TP63: variants seen among roughly 807,000 people sequenced by gnomAD.
The protein encoded by TP63 is tumor protein 63.
In TP63, 17 loss-of-function variants were observed where a neutral mutation model predicts 82.8. That is an observed-to-expected ratio of 0.21 (90% confidence interval 0.14 to 0.31). The LOEUF (loss-of-function observed/expected upper bound fraction) is 0.31, where lower values mean the gene tolerates loss of function less well. Ranked by LOEUF, TP63 falls within the 10% of genes least tolerant of loss-of-function variation. The probability of loss-of-function intolerance (pLI) is 1.00; values close to 1 mark genes in which losing one functional copy is unlikely to be tolerated. For synonymous variants in TP63, 330 were observed against 321.7 expected (o/e 1.03, Z -0.28); for missense variants, 648 against 895.3 (o/e 0.72, Z 3.52).
Position 189,878,208 on chromosome 3 carries a change from G to T in TP63, c.1349+5213G>T, listed in dbSNP as rs191088843. Among the ~76,000 whole-genome samples, 664 of 152,160 alleles carry T rather than the reference G, an allele frequency of 4.4e-3. 2 individuals carry two copies. The highest frequency in any genetic ancestry group is 6.0e-3 in the Non-Finnish European group (407 of 67,998). On this transcript the variant is annotated intron_variant, in intron 10 of 13. Transcript: ENST00000264731. Reference sequence around the variant, plus strand: ...AATGTAGAAAAGAGAAAGGTACACGGTCTCCAAACTGATAGAAAATGTCAA... The same window carrying T: ...AATGTAGAAAAGAGAAAGGTACACGTTCTCCAAACTGATAGAAAATGTCAA...
Position 189,895,770 on chromosome 3 carries a change from T to G in TP63, c.*1268T>G. The G allele has an allele frequency of 4.4e-6, 1 of 227,562 alleles. No homozygotes were observed. Among genetic ancestry groups the G allele is most frequent in the East Asian group, 6.4e-5 (1 of 15,704 alleles). The allele number at this position is 227,562 out of a possible 1,614,324, so 14.1% of individuals were successfully genotyped here. A position where few individuals can be genotyped will look rare whatever the true frequency, so the allele number is the denominator to read the frequency against. ...CTCTGCATGTAGAGGCTTGTTTACC[T>G]TTCTCTCTCTAAGGTTTACAATAGG... On this transcript the variant is annotated 3_prime_UTR_variant, in exon 14 of 14. Transcript: ENST00000264731.
chr3:189,598,989 G>A, the TP63 span, among the ~76,000 whole-genome samples: 1 of 152,144 alleles, frequency 6.6e-6, no homozygotes, highest in African/African-American at 2.4e-5. Flanking sequence ...CCCTAACCTT[G>A]CCCACAGCAA....
At chr3:189,675,082 T>C (rs919314481) in intron 1 of TP63, among the ~76,000 whole-genome samples, 10 of 152,136 alleles carry the variant, frequency 6.6e-5, no homozygotes, top group African/African-American at 2.2e-4. Flanking sequence ...GCACGTTTGG[T>C]GTCCAGTGGG....
At chr3:189,810,229 ATAGT>A (rs1727385621) in intron 4 of TP63, among the ~76,000 whole-genome samples, 1 of 152,324 alleles carries the variant, frequency 6.6e-6, no homozygotes, top group Admixed American at 6.5e-5. Flanking sequence ...TAGGCTTCAA[ATAGT>A]TGGTTGATTG....
intron 1 of TP63, among the ~76,000 whole-genome samples, chr3:189,716,040 G>A (rs184978935): frequency 5.9e-5 from 9 of 152,252 alleles, no homozygotes; most frequent in African/African-American, 1.2e-4. Context: ...CTCATACAGC[G>A]ATATAGCACA....
intron 1 of TP63, among the ~76,000 whole-genome samples, chr3:189,685,290 G>A (rs1716342703): frequency 6.6e-6 from 1 of 152,174 alleles, no homozygotes; most frequent in Non-Finnish European, 1.5e-5. Context: ...ATGGACTGGA[G>A]AGGTTTTTGT....
intron 1 of TP63, among the ~76,000 whole-genome samples, chr3:189,634,631 T>C (rs1276275780): frequency 6.6e-6 from 1 of 152,086 alleles, no homozygotes; most frequent in Non-Finnish European, 1.5e-5. Context: ...CTTTTGATAA[T>C]ATTAACAATA....
chr3:189,668,098 G>A (rs538749350), intron 1 of TP63, among the ~76,000 whole-genome samples: 62 of 151,928 alleles, frequency 4.1e-4, no homozygotes, highest in Non-Finnish European at 6.9e-4. Flanking sequence ...GCAAGTTACA[G>A]GGGCTTGAGA....
chr3:189,878,593 CT>C (rs11333832), intron 10 of TP63, among the ~76,000 whole-genome samples: 94,027 of 130,218 alleles, frequency 0.72, 33,698 homozygotes, highest in Middle Eastern at 0.88. Context: ...TTTTTTTTTT[CT>C]TTTTTTTTTT....
At chr3:189,647,611 A>G (rs1712528881) in intron 1 of TP63, among the ~76,000 whole-genome samples, 1 of 146,604 alleles carries the variant, frequency 6.8e-6, no homozygotes, top group African/African-American at 2.6e-5. Flanking sequence ...GATATCTCTC[A>G]GGAAACCTGA....
chr3:189,711,889 T>A (rs1718622422), intron 1 of TP63, among the ~76,000 whole-genome samples: 1 of 152,146 alleles, frequency 6.6e-6, no homozygotes, highest in Non-Finnish European at 1.5e-5. Flanking sequence ...CTGATGGAAC[T>A]TCCGTGATAG....
chr3:189,675,824 G>A (rs563885404), intron 1 of TP63, among the ~76,000 whole-genome samples: 2 of 152,246 alleles, frequency 1.3e-5, no homozygotes, highest in East Asian at 3.9e-4. Flanking sequence ...CCATTTAAGA[G>A]GCTACAGACA....
intron 1 of TP63, among the ~76,000 whole-genome samples, chr3:189,643,606 C>T (rs1712128594): frequency 6.6e-6 from 1 of 152,190 alleles, no homozygotes; most frequent in African/African-American, 2.4e-5. Flanking sequence ...TTAATTTCCA[C>T]TCTATCAATG....
At chr3:189,600,970 C>T in the TP63 span, among the ~76,000 whole-genome samples, 2,133 of 152,312 alleles carry the variant, frequency 0.014, 28 homozygotes, top group Non-Finnish European at 0.024. Context: ...AATTGAATCT[C>T]TAATCAGTAC....
chr3:189,677,492 A>G (rs558839440), intron 1 of TP63, among the ~76,000 whole-genome samples: 64 of 150,846 alleles, frequency 4.2e-4, no homozygotes, highest in African/African-American at 1.5e-3. Flanking sequence ...TTATCTAACC[A>G]TGAGTTGATG....
At chr3:189,834,826 A>G (rs867846745) in intron 4 of TP63, among the ~76,000 whole-genome samples, 1 of 151,672 alleles carries the variant, frequency 6.6e-6, no homozygotes, top group Non-Finnish European at 1.5e-5. Flanking sequence ...GGAAAAAGCA[A>G]TTATATATGT....
chr3:189,653,178 A>G (rs1357136817), intron 1 of TP63, among the ~76,000 whole-genome samples: 1 of 152,172 alleles, frequency 6.6e-6, no homozygotes, highest in Non-Finnish European at 1.5e-5. Flanking sequence ...CCATAAAGAT[A>G]TACCTATTAA....
At position 189,867,764 on chromosome 3, in the gene TP63, GAAGA is replaced by G. The variant is rs1323898451; in HGVS notation, c.883-67_883-64del. The G allele has an allele frequency of 6.9e-5, 94 of 1,370,924 alleles. No individual in the cohort carries two copies. The African/African-American group carries it at 1.3e-3, about 18-fold the overall frequency. The allele number at this position is 1,370,924 out of a possible 1,614,324, so 84.9% of individuals were successfully genotyped here. ...AGAAGTGGAATTCCTTAAATAGAGG[GAAGA>G]ACTGAGAAGGAACAACGTCAGTTTA... is the stretch of plus-strand genomic sequence containing the variant. On this transcript the variant is annotated intron_variant, in intron 6 of 13. Transcript: ENST00000264731.
At chr3:189,677,620 G>C (rs1230348302) in intron 1 of TP63, among the ~76,000 whole-genome samples, 3 of 151,590 alleles carry the variant, frequency 2.0e-5, no homozygotes, top group Admixed American at 6.6e-5. Flanking sequence ...TCCAGTAGTG[G>C]GGTTACTGGA....
Sources: gnomAD v4.1 joint callset for allele counts (sites outside exome capture counted in the v4.1 genomes callset) on GRCh38, gnomAD v4.1.1 for gene constraint, MANE v1.5 for transcripts, NCBI Gene and HGNC (gene_info 2026-07-23, HGNC 2026-07-21) for gene names.